LRP1B: variants seen among roughly 807,000 people sequenced by gnomAD.
The protein encoded by LRP1B is LDL receptor related protein 1B, also known as low-density lipoprotein receptor-related protein 1B.
In LRP1B, 217 loss-of-function variants were observed where a neutral mutation model predicts 556.6. The observed-to-expected ratio is 0.39, with a 90% CI of 0.35 to 0.44. LRP1B has a LOEUF of 0.44. Among genes scored for constraint, LRP1B ranks in the 20% least tolerant of loss-of-function variants. The probability of loss-of-function intolerance (pLI) is 1.00; values close to 1 mark genes in which losing one functional copy is unlikely to be tolerated. For missense variants in LRP1B, 5,053 were observed against 5,620.8 expected (o/e 0.90, Z 3.23); for synonymous variants, 2,047 against 1,865.8 (o/e 1.10, Z -2.50).
intron 1 of LRP1B, among the ~76,000 whole-genome samples, chr2:142,129,254 C>T (rs1574716321): frequency 6.6e-6 from 1 of 152,258 alleles, no homozygotes; most frequent in Admixed American, 6.5e-5. Context: ...AACTTCAAGG[C>T]AAGTTGAGCA....
intron 35 of LRP1B, among the ~76,000 whole-genome samples, chr2:140,762,963 A>T (rs541772621): frequency 6.6e-6 from 1 of 152,286 alleles, no homozygotes; most frequent in African/African-American, 2.4e-5. Context: ...AAGCTAAAAG[A>T]GATCTCCTCA....
At chr2:140,993,319 C>G (rs1030044959) in intron 16 of LRP1B, among the ~76,000 whole-genome samples, 3 of 152,004 alleles carry the variant, frequency 2.0e-5, no homozygotes, top group Non-Finnish European at 4.4e-5. Context: ...TGACTCTAAT[C>G]AAATATATTC....
chr2:141,488,547 C>T (rs538041057), intron 2 of LRP1B, among the ~76,000 whole-genome samples: 13 of 152,192 alleles, frequency 8.5e-5, no homozygotes, highest in Non-Finnish European at 1.3e-4. Flanking sequence ...CAGCCTTGAC[C>T]TCCCTGGCTC....
chr2:140,573,651 C>T (rs1681411707), intron 43 of LRP1B, among the ~76,000 whole-genome samples: 1 of 151,980 alleles, frequency 6.6e-6, no homozygotes, highest in South Asian at 2.1e-4. Context: ...GAGGACAGTT[C>T]TCCTATGCTG....
chr2:141,273,566 A>G (rs1204798393), intron 3 of LRP1B, among the ~76,000 whole-genome samples: 1 of 152,214 alleles, frequency 6.6e-6, no homozygotes, highest in Non-Finnish European at 1.5e-5. Flanking sequence ...TATGCCACAT[A>G]CAAAAATTAA....
intron 10 of LRP1B, among the ~76,000 whole-genome samples, 178 bp from the exon 11 acceptor site, chr2:141,049,400 A>C (rs1173811551): frequency 1.3e-5 from 2 of 152,248 alleles, no homozygotes; most frequent in East Asian, 3.9e-4. Context: ...CATTACTTTA[A>C]TTAAAACAGA....
chr2:140,361,938 C>A (rs918310111), intron 72 of LRP1B, among the ~76,000 whole-genome samples: 1 of 151,586 alleles, frequency 6.6e-6, no homozygotes, highest in Non-Finnish European at 1.5e-5. Context: ...ACTTGCAAAA[C>A]TGTTCCCTTT....
intron 46 of LRP1B, among the ~76,000 whole-genome samples, chr2:140,535,812 T>A (rs1053048424): frequency 3.9e-5 from 6 of 152,126 alleles, no homozygotes; most frequent in Non-Finnish European, 7.4e-5. Context: ...TAATCTCTAC[T>A]CCTGAGGGTA....
At position 141,055,199 on chromosome 2, in the gene LRP1B, C is replaced by G. The variant is rs2105455988; in HGVS notation, c.1469G>C (p.Cys490Ser). The G allele has an allele frequency of 6.2e-7, 1 of 1,612,354 alleles. No individual in the cohort carries two copies. Among genetic ancestry groups the G allele is most frequent in the Non-Finnish European group, 8.5e-7 (1 of 1,179,042 alleles). ...YGMPGGCSHI[C>S]LLSSSYKTRT... ...AGTTTTGTAACTGCTGCTGAGTAGA[C>G]AGATGTGTGAACAGCCCCCTGGCAT... The change falls in exon 10 of 91, where the codon TGT (cysteine) becomes TCT (serine). Residue 490 changes from cysteine (C) to serine (S), a missense_variant. This residue lies in a region of LRP1B where 3,619 missense variants were observed against 3,931.9 expected (regional missense o/e 0.92). Transcript: ENST00000389484.
chr2:140,812,388 C>T (rs996062459), intron 32 of LRP1B, among the ~76,000 whole-genome samples: 2 of 152,000 alleles, frequency 1.3e-5, no homozygotes, highest in African/African-American at 4.8e-5. Context: ...CTCTTTCCTT[C>T]ACAAGAGAGA....
intron 77 of LRP1B, among the ~76,000 whole-genome samples, chr2:140,348,570 G>A (rs1681802307): frequency 6.6e-6 from 1 of 152,024 alleles, no homozygotes; most frequent in East Asian, 1.9e-4. Flanking sequence ...AAATACAGAG[G>A]TGAAAACAAA....
At chr2:141,401,367 T>C (rs1038594298) in intron 3 of LRP1B, among the ~76,000 whole-genome samples, 3 of 152,316 alleles carry the variant, frequency 2.0e-5, no homozygotes, top group Middle Eastern at 3.4e-3. Context: ...ATCTTCTAAA[T>C]AGAATATTAG....
At chr2:140,251,383 G>T (rs1378573029) in intron 86 of LRP1B, among the ~76,000 whole-genome samples, 1 of 151,796 alleles carries the variant, frequency 6.6e-6, no homozygotes, top group African/African-American at 2.4e-5. Context: ...TTCAGATATT[G>T]TCCTTCCCGT....
chr2:140,712,882 T>G (rs1457602378), intron 37 of LRP1B, among the ~76,000 whole-genome samples: 3 of 152,160 alleles, frequency 2.0e-5, no homozygotes, highest in Admixed American at 6.6e-5. Context: ...TCTCTTCCCT[T>G]GACTTTTACA....
intron 7 of LRP1B, among the ~76,000 whole-genome samples, chr2:141,091,601 C>T (rs1334115928): frequency 6.6e-6 from 1 of 152,124 alleles, no homozygotes; most frequent in East Asian, 1.9e-4. Context: ...TGTCTGAGTG[C>T]ATCCTGTGAG....
chr2:141,208,876 C>CAAAAAAAAAAAAAAAAAAAAAAA (rs57659094), intron 6 of LRP1B, among the ~76,000 whole-genome samples: 1 of 65,462 alleles, frequency 1.5e-5, no homozygotes, highest in Non-Finnish European at 2.8e-5. Flanking sequence ...GATTCCGTCT[C>CAAAAAAAAAAAAAAAAAAAAAAA]AAAAAAAAAA....
At chr2:140,246,692 A>T (rs74738162) in intron 87 of LRP1B, among the ~76,000 whole-genome samples, 1 of 151,408 alleles carries the variant, frequency 6.6e-6, no homozygotes, top group Admixed American at 6.6e-5. Flanking sequence ...CCCCCAAGAC[A>T]CATTGAAATG....
intron 1 of LRP1B, among the ~76,000 whole-genome samples, chr2:141,939,102 T>C (rs1387890032): frequency 2.0e-5 from 3 of 151,904 alleles, no homozygotes; most frequent in Admixed American, 2.0e-4. Context: ...TAATAATGTA[T>C]AATGAAAATT....
At chr2:142,056,394 A>G (rs1431245442) in intron 1 of LRP1B, among the ~76,000 whole-genome samples, 2 of 152,132 alleles carry the variant, frequency 1.3e-5, no homozygotes, top group Non-Finnish European at 2.9e-5. Context: ...TCCTAATTAT[A>G]TGGGGAGTCA....
Sources: allele counts gnomAD v4.1 joint callset (sites outside exome capture counted in the v4.1 genomes callset), GRCh38; gene constraint gnomAD v4.1.1; regional missense constraint gnomAD v4.1.1; transcripts MANE v1.5; gene names NCBI Gene and HGNC (gene_info 2026-07-23, HGNC 2026-07-21).